The following MECOM variants were observed in gnomAD, a reference collection of about 807,000 sequenced individuals.
MECOM encodes histone-lysine N-methyltransferase MECOM.
A neutral mutation model predicts 116.3 loss-of-function variants in MECOM; 13 were observed. The observed-to-expected ratio is 0.11, with a 90% CI of 0.07 to 0.18. The LOEUF is 0.18. MECOM is among the 10% of genes least tolerant of loss of function. The probability of loss-of-function intolerance (pLI) is 1.00; values close to 1 mark genes in which losing one functional copy is unlikely to be tolerated. For missense variants in MECOM, 1,299 were observed against 1,509.0 expected, an observed-to-expected ratio of 0.86 and a Z score of 2.31; for synonymous variants, 528 against 535.2, an observed-to-expected ratio of 0.99 and a Z score of 0.19.
intron 1 of MECOM, among the ~76,000 whole-genome samples, chr3:169,455,921 C>A (rs1236113725): frequency 2.6e-5 from 4 of 152,194 alleles, no homozygotes; most frequent in Non-Finnish European, 4.4e-5. Context: ...TGGTAGAAAG[C>A]TTTTGAGCCT....
chr3:169,109,139 G>A (rs1223848381), intron 9 of MECOM, among the ~76,000 whole-genome samples: 1 of 152,180 alleles, frequency 6.6e-6, no homozygotes, highest in Non-Finnish European at 1.5e-5. Flanking sequence ...AGGTCACACA[G>A]TAATAACATT....
intron 2 of MECOM, among the ~76,000 whole-genome samples, chr3:169,264,269 G>T (rs1757994728): frequency 1.3e-5 from 2 of 152,176 alleles, no homozygotes; most frequent in African/African-American, 4.8e-5. Context: ...GTTGATCTTT[G>T]TTTTTGCCTT....
intron 1 of MECOM, among the ~76,000 whole-genome samples, chr3:169,490,510 C>T (rs928196470): frequency 1.3e-5 from 2 of 152,052 alleles, no homozygotes; most frequent in African/African-American, 4.8e-5. Flanking sequence ...TATCATATGA[C>T]AGTTAAAGTG....
At chr3:169,489,889 A>G (rs1752872991) in intron 1 of MECOM, among the ~76,000 whole-genome samples, 1 of 152,208 alleles carries the variant, frequency 6.6e-6, no homozygotes, top group Non-Finnish European at 1.5e-5. Context: ...GGATATTCAT[A>G]GATTTGACTA....
intron 1 of MECOM, among the ~76,000 whole-genome samples, chr3:169,632,501 T>G (rs974363995): frequency 6.6e-6 from 1 of 152,130 alleles, no homozygotes; most frequent in Non-Finnish European, 1.5e-5. Context: ...TAAAAAATAA[T>G]CTAAACTTAC....
In MECOM at chr3:169,406,432, C is replaced by T. The variant is rs368687175; in HGVS notation, c.38-24908G>A. Among the ~76,000 whole-genome samples the T allele has an allele frequency of 7.9e-5, 12 of 152,286 alleles. No individual in the cohort carries two copies. In the East Asian group the frequency reaches 1.5e-3, roughly 20 times the overall value. On this transcript the variant is annotated intron_variant, in intron 1 of 16. Coordinates refer to ENST00000651503, the MANE Select transcript of MECOM (RefSeq NM_004991.4). ...CTCTATGTGATTGTGGAAGTAAATTCCTTGAAAGAGCCACAAGTATAGCTG... is the reference window on the plus strand; with the variant it reads ...CTCTATGTGATTGTGGAAGTAAATTTCTTGAAAGAGCCACAAGTATAGCTG...
chr3:169,439,730 C>T (rs773511531), intron 1 of MECOM, among the ~76,000 whole-genome samples: 3 of 152,130 alleles, frequency 2.0e-5, no homozygotes, highest in Non-Finnish European at 4.4e-5. Flanking sequence ...CTTGTACGTA[C>T]ATACTAGAAG....
chr3:169,215,342 T>C (rs1035968177), intron 2 of MECOM, among the ~76,000 whole-genome samples: 4 of 150,444 alleles, frequency 2.7e-5, no homozygotes, highest in Non-Finnish European at 5.9e-5. Context: ...CAAAGATAAA[T>C]CATTTGTGGT....
At chr3:169,663,264 G>A (rs1776569538) in intron 1 of MECOM, 72 bp downstream of exon 1, 4 of 1,539,466 alleles carry the variant, frequency 2.6e-6, no homozygotes, top group Non-Finnish European at 2.6e-6. Flanking sequence ...CTCCCTCCCG[G>A]AGCGCTAGAG....
At chr3:169,419,397 C>T (rs975875330) in intron 1 of MECOM, among the ~76,000 whole-genome samples, 1 of 152,048 alleles carries the variant, frequency 6.6e-6, no homozygotes, top group Non-Finnish European at 1.5e-5. Context: ...AAAACTACTT[C>T]AAATTTCACA....
chr3:169,452,248 A>C (rs1745736302), intron 1 of MECOM, among the ~76,000 whole-genome samples: 1 of 152,044 alleles, frequency 6.6e-6, no homozygotes, highest in Non-Finnish European at 1.5e-5. Context: ...GATAGAGGTC[A>C]AGCTTGAGAC....
intron 2 of MECOM, among the ~76,000 whole-genome samples, chr3:169,270,218 G>C (rs886995759): frequency 6.6e-6 from 1 of 152,118 alleles, no homozygotes; most frequent in Non-Finnish European, 1.5e-5. Context: ...TAAATGATGG[G>C]TTGGTATCTA....
chr3:169,491,842 C>T (rs1753129478), intron 1 of MECOM, among the ~76,000 whole-genome samples: 3 of 152,202 alleles, frequency 2.0e-5, no homozygotes, highest in Admixed American at 6.5e-5. Flanking sequence ...GTACAAAATG[C>T]TATGAATCAC....
intron 1 of MECOM, among the ~76,000 whole-genome samples, chr3:169,464,705 A>G (rs1249020916): frequency 6.6e-6 from 1 of 152,096 alleles, no homozygotes; most frequent in African/African-American, 2.4e-5. Context: ...TTTTTCTTCT[A>G]TATCAATTTA....
chr3:169,526,033 G>GA (rs36077732), intron 1 of MECOM, among the ~76,000 whole-genome samples: 65,507 of 146,654 alleles, frequency 0.45, 14,753 homozygotes, highest in African/African-American at 0.54. Context: ...CATCTTGAAG[G>GA]AAAAAAAAAA....
At chr3:169,146,004 G>C (rs1308628582) in intron 2 of MECOM, 3 of 222,312 alleles carry the variant, frequency 1.3e-5, no homozygotes, top group Non-Finnish European at 2.7e-5. Context: ...CTTTTGATTT[G>C]CTAGCAGAAC....
At chr3:169,440,845 G>A (rs1374012144) in intron 1 of MECOM, among the ~76,000 whole-genome samples, 3 of 152,088 alleles carry the variant, frequency 2.0e-5, no homozygotes. Flanking sequence ...AGACCCAAGA[G>A]TCAAGTAATC....
chr3:169,483,819 T>A, intron 1 of MECOM: 2 of 1,611,968 alleles, frequency 1.2e-6, no homozygotes, highest in Non-Finnish European at 1.7e-6. Context: ...CAAATACCTT[T>A]TGGAGAAAGG....
At chr3:169,384,911 T>G (rs535824356) in intron 1 of MECOM, among the ~76,000 whole-genome samples, 1 of 152,162 alleles carries the variant, frequency 6.6e-6, no homozygotes, top group South Asian at 2.1e-4. Flanking sequence ...GAGACCAGCC[T>G]GGGCAACATG....
Sources: gnomAD v4.1 joint callset for allele counts (sites outside exome capture counted in the v4.1 genomes callset) on GRCh38, gnomAD v4.1.1 for gene constraint, MANE v1.5 for transcripts, NCBI Gene and HGNC (gene_info 2026-07-23, HGNC 2026-07-21) for gene names.